The following HIPK1 variants were observed in gnomAD, a reference collection of about 807,000 sequenced individuals.
HIPK1 encodes the protein homeodomain interacting protein kinase 1.
HIPK1 carries 28 observed loss-of-function variants against 117.1 expected under a neutral mutation model. The observed-to-expected ratio is 0.24, with a 90% CI of 0.18 to 0.33. The LOEUF (loss-of-function observed/expected upper bound fraction) is 0.33. Among genes scored for constraint, HIPK1 ranks in the 10% least tolerant of loss-of-function variants. The pLI, the probability that HIPK1 is intolerant of heterozygous loss-of-function variation, is 1.00. For synonymous variants in HIPK1, 605 were observed against 562.5 expected (o/e 1.08, Z -1.07); for missense variants, 1,122 against 1,475.1 (o/e 0.76, Z 3.92).
At chr1:113,943,782 C>G (rs1670803085) in intron 2 of HIPK1, among the ~76,000 whole-genome samples, 1 of 152,194 alleles carries the variant, frequency 6.6e-6, no homozygotes, top group African/African-American at 2.4e-5. Flanking sequence ...CACATTTTCT[C>G]TAACATTTGT....
At chr1:113,962,240 A>G in intron 8 of HIPK1, 77 bp from the exon 9 acceptor site, 7 of 1,442,168 alleles carry the variant, frequency 4.9e-6, no homozygotes, top group Non-Finnish European at 6.7e-6. Flanking sequence ...TGAACAGAGA[A>G]GCTGAAAACA....
intron 14 of HIPK1, 23 bp from the exon 15 acceptor site, chr1:113,971,801 T>C: frequency 6.3e-7 from 1 of 1,588,940 alleles, no homozygotes; most frequent in Non-Finnish European, 8.5e-7. Context: ...TACTCATAAC[T>C]ATTAAGCCTG....
chr1:113,951,945 C>CT (rs34394248), intron 2 of HIPK1, among the ~76,000 whole-genome samples: 26,053 of 110,638 alleles, frequency 0.24, 3,271 homozygotes, highest in African/African-American at 0.26. Flanking sequence ...TTGACCAGGG[C>CT]TTTTTTTTTT....
intron 10 of HIPK1, among the ~76,000 whole-genome samples, chr1:113,964,372 T>C (rs761040830): frequency 6.6e-6 from 1 of 152,222 alleles, no homozygotes. Context: ...GGCTTAGAGA[T>C]AGAAAAAACA....
chr1:113,969,912 C>A, intron 13 of HIPK1, 44 bp from the exon 14 acceptor site: 4 of 1,607,902 alleles, frequency 2.5e-6, no homozygotes, highest in Non-Finnish European at 2.5e-6. Flanking sequence ...GTCACACACA[C>A]AAAAAAGAAC....
intron 3 of HIPK1, 30 bp from the exon 4 acceptor site, chr1:113,954,621 A>G: frequency 6.2e-7 from 1 of 1,612,252 alleles, no homozygotes; most frequent in Non-Finnish European, 8.5e-7. Context: ...TTTCACTCCA[A>G]ATAGTTGTTT....
At chr1:113,951,255 T>G (rs544249717) in intron 2 of HIPK1, 1 of 984,990 alleles carries the variant, frequency 1.0e-6, no homozygotes, top group African/African-American at 1.7e-5. Flanking sequence ...CAATTGCCCT[T>G]GTATTCCACC....
chr1:113,957,774 T>C (rs756579510), intron 7 of HIPK1, among the ~76,000 whole-genome samples: 1 of 152,176 alleles, frequency 6.6e-6, no homozygotes, highest in Non-Finnish European at 1.5e-5. Context: ...GCCTATGAGA[T>C]TTGGTGGGAT....
intron 2 of HIPK1, among the ~76,000 whole-genome samples, chr1:113,950,323 C>T (rs1052954668): frequency 2.0e-5 from 3 of 152,146 alleles, no homozygotes; most frequent in Admixed American, 6.5e-5. Context: ...TGGTTCTTCA[C>T]GGAAAGATCT....
intron 3 of HIPK1, among the ~76,000 whole-genome samples, chr1:113,954,103 G>A: frequency 6.6e-6 from 1 of 152,100 alleles, no homozygotes; most frequent in East Asian, 1.9e-4. Flanking sequence ...TGGGACTATA[G>A]GTGCATGCCA....
In HIPK1 at chr1:113,956,673, A is replaced by G. The variant is rs1345571497; in HGVS notation, c.1454A>G (p.Lys485Arg). The change falls in exon 6 of 16, where the codon AAG becomes AGG. Residue 485 changes from lysine (K) to arginine (R), a missense_variant. Coordinates refer to ENST00000426820, the MANE Select transcript of HIPK1 (RefSeq NM_198268.3). ...GAGGGAACAGACATGTTGGCAGAGA[A>G]GGCAGACCGAAGAGAATACATTGAT... is the stretch of plus-strand genomic sequence containing the variant. ...DLEGTDMLAE[K>R]ADRREYIDLL... The G allele has an allele frequency of 1.2e-6, 2 of 1,614,142 alleles. No homozygotes were observed. The highest frequency in any genetic ancestry group is 1.7e-6 in the Non-Finnish European group (2 of 1,179,964).
Position 113,973,340 on chromosome 1 carries a change from A to G in HIPK1, c.3461A>G (p.His1154Arg). 2 of 1,614,102 alleles carry G rather than the reference A, an allele frequency of 1.2e-6. No homozygotes were observed. The highest frequency in any genetic ancestry group is 1.7e-6 in the Non-Finnish European group (2 of 1,180,008). ...AYTTHPSTLVHQVPVSVGPSL... is the reference protein window; with the variant it reads ...AYTTHPSTLVRQVPVSVGPSL... The stretch of plus-strand genomic sequence containing the variant: ...ACCACTCACCCTAGCACTTTGGTGC[A>G]CCAGGTCCCTGTCAGTGTTGGGCCC... Residue 1154 changes from histidine to arginine, a missense_variant, in exon 16 of 16, where the codon CAC becomes CGC. Physicochemically the swap from His to Arg is conservative, Grantham distance 29. Around this residue, in one of 6 missense-constraint regions of HIPK1, gnomAD observed 731 missense variants for 860.4 expected, o/e 0.85. Transcript: ENST00000426820.
intron 8 of HIPK1, among the ~76,000 whole-genome samples, chr1:113,962,060 G>A (rs1558143433): frequency 6.9e-6 from 1 of 144,570 alleles, no homozygotes; most frequent in African/African-American, 2.6e-5. Flanking sequence ...TTTAAATTTT[G>A]TAGCATAAAA....
At chr1:113,957,000 A>G in intron 6 of HIPK1, 124 bp from the exon 7 acceptor site, 1 of 929,322 alleles carries the variant, frequency 1.1e-6, no homozygotes, top group Non-Finnish European at 1.6e-6. Context: ...GATTATACAA[A>G]TTCTTGATTT....
intron 2 of HIPK1, among the ~76,000 whole-genome samples, chr1:113,950,837 G>A (rs767371496): frequency 6.6e-6 from 1 of 152,146 alleles, no homozygotes; most frequent in Non-Finnish European, 1.5e-5. Flanking sequence ...GTAGCCTTGG[G>A]CAAGTTACTT....
At chr1:113,972,413 C>T (rs892350734) in intron 15 of HIPK1, among the ~76,000 whole-genome samples, 1 of 152,172 alleles carries the variant, frequency 6.6e-6, no homozygotes, top group Non-Finnish European at 1.5e-5. Context: ...TTTGGGACTT[C>T]CCCACTCTCC....
chr1:113,956,010 CA>C (rs773645066), intron 5 of HIPK1, among the ~76,000 whole-genome samples: 19 of 150,250 alleles, frequency 1.3e-4, no homozygotes, highest in Non-Finnish European at 2.7e-4. Context: ...ATTTTTTCAA[CA>C]GTAGAAGCTT....
chr1:113,947,649 A>G lies in HIPK1; in HGVS notation c.1077-5117A>G, dbSNP rs535916330. ...GGGTGCCAGTGAAATTAACCTCAAC[A>G]ATGTTGGTTGGAAGAATTTTTCAAC... On this transcript the variant is annotated intron_variant, in intron 2 of 15. Transcript: ENST00000426820. 2.6e-5 allele frequency among the ~76,000 whole-genome samples: 4 copies of G among 152,314 alleles called. No homozygotes were observed. In the East Asian group the frequency reaches 7.7e-4, roughly 29 times the overall value.
chr1:113,940,726 C>T lies in HIPK1; in HGVS notation c.343C>T (p.Leu115Phe), dbSNP rs1670593978. The T allele has an allele frequency of 6.2e-7, 1 of 1,614,018 alleles. No homozygotes were observed. Among genetic ancestry groups the T allele is most frequent in the Non-Finnish European group, 8.5e-7 (1 of 1,180,044 alleles). Residue 115 changes from leucine (L) to phenylalanine (F), a missense_variant, in exon 2 of 16, where the codon CTT (leucine) becomes TTT (phenylalanine). Around this residue, in one of 6 missense-constraint regions of HIPK1, gnomAD observed 192 missense variants for 234.0 expected, o/e 0.82. Coordinates refer to ENST00000426820, the MANE Select transcript of HIPK1 (RefSeq NM_198268.3). The stretch of plus-strand genomic sequence containing the variant: ...GACTCACAGAAGCAACGTTTCTTTG[C>T]TTGAGCCATATCAAAAATGTGGATT... ...TLTHRSNVSL[L>F]EPYQKCGLKR...
Sources: allele counts gnomAD v4.1 joint callset (sites outside exome capture counted in the v4.1 genomes callset), GRCh38; gene constraint gnomAD v4.1.1; regional missense constraint gnomAD v4.1.1; transcripts MANE v1.5; gene names NCBI Gene and HGNC (gene_info 2026-07-23, HGNC 2026-07-21).